Variants in PEG3 observed in about 807,000 individuals in gnomAD.
The protein encoded by PEG3 is paternally expressed 3.
A neutral mutation model predicts 35.5 loss-of-function variants in PEG3; 23 were observed. The observed-to-expected ratio is 0.65, with a 90% CI of 0.47 to 0.92. The LOEUF is 0.92. Among genes scored for constraint, PEG3 ranks in the 40% least tolerant of loss-of-function variants. PEG3 has a pLI of 0.00. For synonymous variants in PEG3, 707 were observed against 697.0 expected (o/e 1.01, Z -0.23); for missense variants, 1,960 against 1,985.3 (o/e 0.99, Z 0.24).
rs867737460 is a variant in PEG3, at chr19:56,814,097, C to T, written c.4345G>A (p.Asp1449Asn). 2.5e-6 allele frequency: 4 copies of T among 1,614,170 alleles called. No homozygotes were observed. The East Asian group carries it at 8.9e-5, about 36-fold the overall frequency. ...PNGEAEQPNG[D>N]ADEPDGAGIE... ...CCTGCACCATCTGGCTCATCAGCATCCCCATTTGGCTGCTCGGCCTCTCCA... is the reference window on the plus strand; with the variant it reads ...CCTGCACCATCTGGCTCATCAGCATTCCCATTTGGCTGCTCGGCCTCTCCA... Residue 1449 changes from aspartate to asparagine, a missense_variant, in exon 10 of 10, where the codon GAT (aspartate) becomes AAT (asparagine). This residue lies in a region of PEG3 where 416 missense variants were observed against 416.7 expected (regional missense o/e 1.00). Transcript: ENST00000326441. The surrounding 1 kb of genome is among the most constrained non-coding windows in gnomAD (Gnocchi z 5.8).
chr19:56,831,732 A>G (rs1423757883), intron 2 of PEG3, among the ~76,000 whole-genome samples: 3 of 152,274 alleles, frequency 2.0e-5, no homozygotes, highest in Non-Finnish European at 4.4e-5. Flanking sequence ...TATAAAAATA[A>G]AACACAGCAC....
chr19:56,817,169 C>A lies in PEG3; in HGVS notation c.1273G>T (p.Ala425Ser). 6.2e-7 allele frequency: 1 copy of A among 1,614,214 alleles called. No individual in the cohort carries two copies. Among genetic ancestry groups the A allele is most frequent in the South Asian group, 1.1e-5 (1 of 91,078 alleles). Residue 425 changes from alanine to serine, a missense_variant, in exon 10 of 10, where the codon GCC (alanine) becomes TCC (serine). This residue lies in a region of PEG3 where 613 missense variants were observed against 577.1 expected (regional missense o/e 1.06). Coordinates refer to ENST00000326441, the MANE Select transcript of PEG3 (RefSeq NM_006210.3). ...CTGCTCAGGCTGCTCACGCTCATGG[C>A]TTTTCTCATCTCACTACCACATTCA... Reference protein sequence around the residue: ...PFECGSEMRKAMSVSSLSSLS... With the variant: ...PFECGSEMRKSMSVSSLSSLS...
At chr19:56,833,654 G>T in intron 2 of PEG3, 1 of 173,368 alleles carries the variant, frequency 5.8e-6, no homozygotes, top group Admixed American at 5.5e-5. Context: ...TTTCCAGGTG[G>T]GATGACTCAG....
rs1173115871 is a variant in PEG3 at position 56,815,012 on chromosome 19, C to T, written c.3430G>A (p.Val1144Ile). 1.9e-6 allele frequency: 3 copies of T among 1,614,092 alleles called. No individual in the cohort carries two copies. The highest frequency in any genetic ancestry group is 1.7e-6 in the Non-Finnish European group (2 of 1,180,048). ...TCGCTGATGGAATGGGTGTGAATTA[C>T]AGAATGTGTGTACTCCCGACTGTCA... is the stretch of plus-strand genomic sequence containing the variant. Reference protein sequence around the residue: ...LVDSREYTHSVIHTHSISEYQ... With the variant: ...LVDSREYTHSIIHTHSISEYQ... Residue 1144 changes from valine to isoleucine, a missense_variant, in exon 10 of 10, where the codon GTA becomes ATA. By Grantham distance (29) the Val-to-Ile change is conservative. Around this residue, in one of 5 missense-constraint regions of PEG3, gnomAD observed 124 missense variants for 179.6 expected, o/e 0.69. Coordinates refer to ENST00000326441, the MANE Select transcript of PEG3 (RefSeq NM_006210.3).
chr19:56,830,881 C>T (rs1334482685), intron 2 of PEG3, among the ~76,000 whole-genome samples: 1 of 152,008 alleles, frequency 6.6e-6, no homozygotes, highest in Admixed American at 6.6e-5. Context: ...GGGCTAAGAT[C>T]ATGCCCCTGC....
chr19:56,817,319 A>G lies in PEG3; in HGVS notation c.1123T>C (p.Phe375Leu). The G allele has an allele frequency of 6.2e-7, 1 of 1,614,118 alleles. No individual in the cohort carries two copies. The highest frequency in any genetic ancestry group is 8.5e-7 in the Non-Finnish European group (1 of 1,179,994). The change falls in exon 10 of 10, where the codon TTT becomes CTT. Residue 375 changes from phenylalanine (F) to leucine (L), a missense_variant. Physicochemically the swap from Phe to Leu is conservative, Grantham distance 22. Coordinates refer to ENST00000326441, the MANE Select transcript of PEG3 (RefSeq NM_006210.3). ...GAAACAAGGGTTGAATTAAACCTAAAGCCTCCCCTAAATGCATTCCCTTCA... is the reference window on the plus strand; with the variant it reads ...GAAACAAGGGTTGAATTAAACCTAAGGCCTCCCCTAAATGCATTCCCTTCA... ...VYEGNAFRGG[F>L]RFNSTLVSRK...
chr19:56,829,487 A>T (rs928321297), intron 2 of PEG3, among the ~76,000 whole-genome samples: 1 of 152,244 alleles, frequency 6.6e-6, no homozygotes, highest in Non-Finnish European at 1.5e-5. Flanking sequence ...GGAAGGGACG[A>T]GCACCACTGA....
rs1051626953 is a variant in PEG3 at position 56,812,079 on chromosome 19, T to C, written c.*1596A>G. 7 of 971,126 alleles carry C rather than the reference T, an allele frequency of 7.2e-6. No homozygotes were observed. Among genetic ancestry groups the C allele is most frequent in the African/African-American group, 1.9e-5 (1 of 53,770 alleles). The allele number at this position is 971,126 out of a possible 1,614,324, so 60.2% of individuals were successfully genotyped here. ...CCCCCAGTGGGTACTTTAATTTTGC[T>C]TGTTCAAATGATCTACACTTACATT... is the stretch of plus-strand genomic sequence containing the variant. On this transcript the variant is annotated 3_prime_UTR_variant, in exon 10 of 10. Coordinates refer to ENST00000326441, the MANE Select transcript of PEG3 (RefSeq NM_006210.3).
chr19:56,837,604 G>T (rs1055032324), intron 1 of PEG3, among the ~76,000 whole-genome samples: 8 of 152,366 alleles, frequency 5.3e-5, no homozygotes, highest in African/African-American at 1.9e-4. Context: ...CAGCCATGAG[G>T]GCACGCTGCC....
At position 56,824,066 on chromosome 19, in the gene PEG3, T is replaced by C. The variant is rs571982032; in HGVS notation, c.394+196A>G. On this transcript the variant is annotated intron_variant, in intron 4 of 9. Coordinates refer to ENST00000326441, the MANE Select transcript of PEG3 (RefSeq NM_006210.3). Reference sequence around the variant, plus strand: ...TTGGCGACCAGGGGATACCTGGGCATGTGTGGAGACACTTTTGGTGGCCAC... The same window carrying C: ...TTGGCGACCAGGGGATACCTGGGCACGTGTGGAGACACTTTTGGTGGCCAC... 3.2e-4 allele frequency among the ~76,000 whole-genome samples: 49 copies of C among 152,316 alleles called. No individual in the cohort carries two copies. The South Asian group carries it at 4.6e-3, about 14-fold the overall frequency.
At chr19:56,839,013 C>A (rs995781539) in intron 1 of PEG3, among the ~76,000 whole-genome samples, 7 of 152,190 alleles carry the variant, frequency 4.6e-5, no homozygotes, top group African/African-American at 1.2e-4. Flanking sequence ...CCGGGCAACG[C>A]CTGCGCGGCA....
At chr19:56,823,131 G>C (rs956180320) in intron 5 of PEG3, among the ~76,000 whole-genome samples, 2 of 152,170 alleles carry the variant, frequency 1.3e-5, no homozygotes, top group African/African-American at 2.4e-5. Context: ...TTCCTAAGGG[G>C]CTGAGTCCAC....
rs762679674 is a variant in PEG3, at chr19:56,817,471, C to T, written c.971G>A (p.Arg324His). 186 of 1,613,508 alleles carry T rather than the reference C, an allele frequency of 1.2e-4. No homozygotes were observed. In the East Asian group the frequency reaches 3.5e-3, roughly 31 times the overall value. Residue 324 changes from arginine (R) to histidine (H), a missense_variant, in exon 10 of 10, where the codon CGC (arginine) becomes CAC (histidine). This residue lies in a region of PEG3 where 613 missense variants were observed against 577.1 expected (regional missense o/e 1.06). Coordinates refer to ENST00000326441, the MANE Select transcript of PEG3 (RefSeq NM_006210.3). ...CCTTGCTCTTCCCGATTTGGAACTG[C>T]GTGACACATCCTTGATGAATTTTTC... ...IMEKFIKDVSRSSKSGRARES... is the reference protein window; with the variant it reads ...IMEKFIKDVSHSSKSGRARES...
At chr19:56,839,327 T>C (rs1012983914) in intron 1 of PEG3, among the ~76,000 whole-genome samples, 2 of 149,930 alleles carry the variant, frequency 1.3e-5, no homozygotes, top group African/African-American at 5.0e-5. Context: ...ACACAGTCAC[T>C]TCAGCCTTGC....
intron 8 of PEG3, among the ~76,000 whole-genome samples, chr19:56,818,141 A>G (rs1378789899): frequency 6.6e-6 from 1 of 151,824 alleles, no homozygotes; most frequent in Non-Finnish European, 1.5e-5. Context: ...CCTCTTTTCC[A>G]CTGGCCTTCT....
chr19:56,813,686 G>A lies in PEG3; in HGVS notation c.4756C>T (p.His1586Tyr). 1.2e-6 allele frequency: 2 copies of A among 1,612,654 alleles called. No homozygotes were observed. Among genetic ancestry groups the A allele is most frequent in the South Asian group, 1.1e-5 (1 of 91,052 alleles). The change falls in exon 10 of 10, where the codon CAC (histidine) becomes TAC (tyrosine). Residue 1586 changes from histidine (H) to tyrosine (Y), a missense_variant. His to Tyr is a moderately conservative substitution (Grantham distance 83). Coordinates refer to ENST00000326441, the MANE Select transcript of PEG3 (RefSeq NM_006210.3). ...RLSLARHQNT[H>Y]TG ...TTTACCCCATGCCCTCAGCCAGTGT[G>A]GGTATTCTGGTGTCTGGCGAGGGAC... is the stretch of plus-strand genomic sequence containing the variant.
In PEG3 at chr19:56,813,753, G is replaced by A. The variant is rs1252768095; in HGVS notation, c.4689C>T (p.Tyr1563=). Residue 1563 remains tyrosine (Y), a synonymous_variant, in exon 10 of 10, where the codon TAC becomes TAT. Coordinates refer to ENST00000326441, the MANE Select transcript of PEG3 (RefSeq NM_006210.3). ...GCTGCCCACAGACGTCACATTTGAA[G>A]TACTTCTCATCAGCTTGATTGGCAC... is the stretch of plus-strand genomic sequence containing the variant. The part of the protein sequence containing the change: ...TGGANQADEK[Y]FKCDVCGQLF... 1 of 1,614,186 alleles carries A rather than the reference G, an allele frequency of 6.2e-7. No homozygotes were observed. The highest frequency in any genetic ancestry group is 2.2e-5 in the East Asian group (1 of 44,864).
chr19:56,840,175 T>C (rs1373493685), intron 1 of PEG3, among the ~76,000 whole-genome samples: 2 of 152,182 alleles, frequency 1.3e-5, no homozygotes, highest in Admixed American at 6.5e-5. Context: ...AGGGATAGCA[T>C]TGGTGTCGAC....
intron 2 of PEG3, 126 bp from the exon 3 acceptor site, chr19:56,826,589 C>A (rs1007013668): frequency 6.6e-6 from 1 of 152,172 alleles, no homozygotes; most frequent in Non-Finnish European, 1.5e-5. Flanking sequence ...GCCTTCTATA[C>A]CTTCGGGGAA....
Sources: gnomAD v4.1 joint callset for allele counts (sites outside exome capture counted in the v4.1 genomes callset) on GRCh38, gnomAD v4.1.1 for gene constraint, gnomAD v4.1.1 regional missense constraint, Gnocchi (gnomAD v3.1) non-coding constraint, MANE v1.5 for transcripts, NCBI Gene and HGNC (gene_info 2026-07-23, HGNC 2026-07-21) for gene names.